Variants in TRIQK observed in about 807,000 individuals in gnomAD.
The protein encoded by TRIQK is triple QxxK/R motif-containing protein.
In TRIQK, 10 loss-of-function variants were observed where a neutral mutation model predicts 10.8. The observed-to-expected ratio is 0.92, with a 90% CI of 0.57 to 1.57. TRIQK has a LOEUF of 1.57. Ranked by LOEUF, TRIQK falls within the 40% of genes most tolerant of loss-of-function variation. TRIQK has a pLI of 0.00. For missense variants in TRIQK, 107 were observed against 97.7 expected, an observed-to-expected ratio of 1.09 and a Z score of -0.40; for synonymous variants, 33 against 33.7, an observed-to-expected ratio of 0.98 and a Z score of 0.07.
At chr8:93,006,891 G>A (rs1504682) in intron 1 of TRIQK, among the ~76,000 whole-genome samples, 1 of 152,204 alleles carries the variant, frequency 6.6e-6, no homozygotes, top group African/African-American at 2.4e-5. Flanking sequence ...GGGTGGCCAC[G>A]GTCTCTGTGG....
chr8:92,975,522 TGTG>T (rs1400657521), intron 1 of TRIQK, among the ~76,000 whole-genome samples: 2 of 152,186 alleles, frequency 1.3e-5, no homozygotes, highest in African/African-American at 2.4e-5. Flanking sequence ...TCTGTAGAAT[TGTG>T]GTGACCTCAC....
rs562252866 is a variant in TRIQK at position 92,936,148 on chromosome 8, C to G, written c.-22+18258G>C. ...GGCTAATAGAATCTTGAAATGAGAA[C>G]AAGGCAAGATCATTATGAGAATGAA... On this transcript the variant is annotated intron_variant, in intron 2 of 4. Coordinates refer to ENST00000521988, the MANE Select transcript of TRIQK (RefSeq NM_001171797.2). Among the ~76,000 whole-genome samples the G allele has an allele frequency of 2.0e-5, 3 of 151,460 alleles. No individual in the cohort carries two copies. In the East Asian group the frequency reaches 5.8e-4, roughly 29 times the overall value.
chr8:92,921,392 G>A (rs973059324), intron 2 of TRIQK: 24 of 150,622 alleles, frequency 1.6e-4, no homozygotes, highest in African/African-American at 5.4e-4. Context: ...TTTTTCCTCT[G>A]GGTACTCTTG....
chr8:92,996,014 T>C lies in TRIQK; in HGVS notation c.-181+21595A>G, dbSNP rs180848986. Among the ~76,000 whole-genome samples the C allele has an allele frequency of 4.1e-3, 623 of 152,182 alleles. 1 individual carries two copies. Among genetic ancestry groups the C allele is most frequent in the Middle Eastern group, 6.8e-3 (2 of 294 alleles). ...AACTGTCAGATCTCTGTTGAGGCAC[T>C]AGACGGAGGCCACTCTGATCTTCAT... On this transcript the variant is annotated intron_variant, in intron 1 of 4. Transcript: ENST00000520686.
chr8:92,903,773 T>C (rs1033952319), intron 3 of TRIQK, among the ~76,000 whole-genome samples: 1 of 152,080 alleles, frequency 6.6e-6, no homozygotes, highest in Non-Finnish European at 1.5e-5. Context: ...AGTACAGAAA[T>C]GAGTATTACG....
At chr8:93,000,060 C>T (rs1813192963) in intron 1 of TRIQK, among the ~76,000 whole-genome samples, 1 of 152,064 alleles carries the variant, frequency 6.6e-6, no homozygotes. Context: ...GATCTAAACA[C>T]TATTAAACAA....
intron 1 of TRIQK, among the ~76,000 whole-genome samples, chr8:92,964,608 TA>T (rs796959876): frequency 0.049 from 6,832 of 138,204 alleles, 423 homozygotes; most frequent in African/African-American, 0.15. Flanking sequence ...ACCCTAAGAT[TA>T]AAAAAAAAAA....
chr8:92,921,085 C>T (rs553827745), intron 2 of TRIQK, among the ~76,000 whole-genome samples: 1 of 151,432 alleles, frequency 6.6e-6, no homozygotes, highest in South Asian at 2.1e-4. Context: ...TCCATTCTTC[C>T]CTTTATAAAT....
chr8:93,015,030 A>C (rs1243342635), intron 1 of TRIQK, among the ~76,000 whole-genome samples: 1 of 152,048 alleles, frequency 6.6e-6, no homozygotes, highest in Non-Finnish European at 1.5e-5. Flanking sequence ...TTCAAGATAT[A>C]TAAACATTAA....
intron 3 of TRIQK, among the ~76,000 whole-genome samples, chr8:92,908,410 C>T (rs1809394660): frequency 6.6e-6 from 1 of 152,078 alleles, no homozygotes; most frequent in Non-Finnish European, 1.5e-5. Context: ...ATCAAGCAAG[C>T]ACATGCAGAA....
At chr8:92,955,518 A>T (rs1033996229) in intron 1 of TRIQK, among the ~76,000 whole-genome samples, 1 of 151,792 alleles carries the variant, frequency 6.6e-6, no homozygotes, top group African/African-American at 2.4e-5. Flanking sequence ...TGAGTTTGAA[A>T]ATAGTCTCTT....
At chr8:92,947,218 A>G (rs1811583196) in intron 2 of TRIQK, among the ~76,000 whole-genome samples, 1 of 151,690 alleles carries the variant, frequency 6.6e-6, no homozygotes, top group South Asian at 2.1e-4. Flanking sequence ...CTCTGCAAAA[A>G]TCCTTCCTAT....
rs1809374466 is a variant in TRIQK, at chr8:92,908,076, T to TA, written c.61+8852dup. Among the ~76,000 whole-genome samples, 2 of 152,228 alleles carry TA rather than the reference T, an allele frequency of 1.3e-5. 1 individual carries two copies. The highest frequency in any genetic ancestry group is 4.1e-4 in the South Asian group (2 of 4,830). Reference sequence around the variant, plus strand: ...TCATGGGAGCTTCCTTAGTTTAAATTAAAAAAACAAAATAGATTACTTTAC... The same window carrying TA: ...TCATGGGAGCTTCCTTAGTTTAAATTAAAAAAAACAAAATAGATTACTTTAC... On this transcript the variant is annotated intron_variant, in intron 3 of 4. Coordinates refer to ENST00000521988, the MANE Select transcript of TRIQK (RefSeq NM_001171797.2).
At chr8:92,971,071 G>T (rs779912814), upstream of TRIQK, among the ~76,000 whole-genome samples, 26 of 151,938 alleles carry the variant, frequency 1.7e-4, no homozygotes, top group Non-Finnish European at 1.0e-4. Flanking sequence ...CCCATTGCTT[G>T]TTTTTTTCCT....
chr8:92,971,681 A>G (rs537927685), intron 1 of TRIQK, among the ~76,000 whole-genome samples: 3 of 152,328 alleles, frequency 2.0e-5, no homozygotes, highest in East Asian at 3.9e-4. Context: ...CTCCATGCTC[A>G]TGAATAGGAA....
At chr8:92,922,672 T>A (rs761209103) in intron 2 of TRIQK, 1 of 151,828 alleles carries the variant, frequency 6.6e-6, no homozygotes, top group Non-Finnish European at 1.5e-5. Flanking sequence ...ATTTTACTTA[T>A]ATGTTAATAT....
chr8:93,012,842 G>A (rs866152160), intron 1 of TRIQK, among the ~76,000 whole-genome samples: 1 of 152,126 alleles, frequency 6.6e-6, no homozygotes, highest in East Asian at 1.9e-4. Context: ...CAGCAGCATC[G>A]CTTGAGAATT....
chr8:92,933,188 C>T (rs1810821615), intron 2 of TRIQK, among the ~76,000 whole-genome samples: 1 of 152,080 alleles, frequency 6.6e-6, no homozygotes, highest in Admixed American at 6.6e-5. Flanking sequence ...TCTACTACGC[C>T]CTTTCCACAT....
At chr8:92,898,833 G>GTGTA (rs1256723943) in intron 3 of TRIQK, among the ~76,000 whole-genome samples, 24 of 73,918 alleles carry the variant, frequency 3.2e-4, no homozygotes, top group East Asian at 4.9e-4. Flanking sequence ...GTGTGTGTGT[G>GTGTA]TATATATATA....
Sources: allele counts gnomAD v4.1 joint callset (sites outside exome capture counted in the v4.1 genomes callset), GRCh38; gene constraint gnomAD v4.1.1; transcripts MANE v1.5; gene names NCBI Gene and HGNC (gene_info 2026-07-23, HGNC 2026-07-21).